CUBN: variants seen among roughly 807,000 people sequenced by gnomAD.
CUBN encodes cubilin.
In CUBN, 282 loss-of-function variants were observed where a neutral mutation model predicts 405.3. The ratio of observed to expected loss-of-function variants is 0.70; its 90% CI spans 0.63 to 0.77. CUBN has a LOEUF of 0.77. Among genes scored for constraint, CUBN ranks in the 30% least tolerant of loss-of-function variants. The pLI is 0.00. For synonymous variants in CUBN, 1,684 were observed against 1,617.0 expected, an observed-to-expected ratio of 1.04 and a Z score of -0.99; for missense variants, 4,514 against 4,475.2, an observed-to-expected ratio of 1.01 and a Z score of -0.25.
intron 27 of CUBN, among the ~76,000 whole-genome samples, chr10:17,028,708 G>A (rs1423523887): frequency 1.3e-5 from 2 of 149,878 alleles, no homozygotes; most frequent in African/African-American, 4.9e-5. Context: ...GCAACAGAGT[G>A]AGACTCTGTC....
At chr10:16,955,605 T>C (rs1374275829) in intron 31 of CUBN, among the ~76,000 whole-genome samples, 2 of 152,170 alleles carry the variant, frequency 1.3e-5, no homozygotes, top group Non-Finnish European at 2.9e-5. Flanking sequence ...AATACTCTTA[T>C]GTGTAAATCA....
At chr10:16,826,718 G>A (rs1179707726) in intron 66 of CUBN, among the ~76,000 whole-genome samples, 3 of 152,122 alleles carry the variant, frequency 2.0e-5, no homozygotes, top group African/African-American at 4.8e-5. Flanking sequence ...TGGATTAAAT[G>A]GCCGTCACTT....
intron 28 of CUBN, among the ~76,000 whole-genome samples, chr10:16,994,368 T>G (rs925894673): frequency 2.0e-5 from 3 of 152,226 alleles, no homozygotes; most frequent in Non-Finnish European, 4.4e-5. Flanking sequence ...CTCCTTCAGT[T>G]TACTAAGAGT....
intron 54 of CUBN, among the ~76,000 whole-genome samples, chr10:16,897,747 T>C (rs1175358312): frequency 2.0e-5 from 3 of 152,166 alleles, no homozygotes; most frequent in Non-Finnish European, 4.4e-5. Context: ...ACACAGCATT[T>C]CTTGGCAGAA....
In CUBN at chr10:16,983,467, C is replaced by T. The variant is rs1348505497; in HGVS notation, c.4525+638G>A. 2.0e-5 allele frequency among the ~76,000 whole-genome samples: 3 copies of T among 152,202 alleles called. No homozygotes were observed. The East Asian group carries it at 5.8e-4, about 29-fold the overall frequency. ...ACCTTTCTAAGCTTCAGTGTCCACA[C>T]TGGTAAGATGAGGATATGAAGCGGA... On this transcript the variant is annotated intron_variant, in intron 30 of 66. Coordinates refer to ENST00000377833, the MANE Select transcript of CUBN (RefSeq NM_001081.4).
chr10:16,867,336 G>A (rs1456151147), intron 59 of CUBN, among the ~76,000 whole-genome samples: 1 of 152,102 alleles, frequency 6.6e-6, no homozygotes, highest in Non-Finnish European at 1.5e-5. Context: ...ATAACTAAAC[G>A]ACCCTATAAA....
At chr10:16,995,800 T>G (rs1833716925) in intron 28 of CUBN, among the ~76,000 whole-genome samples, 1 of 152,224 alleles carries the variant, frequency 6.6e-6, no homozygotes, top group Non-Finnish European at 1.5e-5. Context: ...ATTTTTATGG[T>G]AGTTCAGTTC....
intron 35 of CUBN, 30 bp from the exon 36 acceptor site, chr10:16,947,397 C>T (rs1362558175): frequency 6.2e-7 from 1 of 1,613,252 alleles, no homozygotes. Context: ...AAGTGAGTAT[C>T]AGAGCAAAGA....
chr10:16,836,633 A>G (rs1451759479), intron 62 of CUBN, among the ~76,000 whole-genome samples: 3 of 152,232 alleles, frequency 2.0e-5, no homozygotes, highest in Non-Finnish European at 4.4e-5. Flanking sequence ...GCTGAAAATA[A>G]GATCCCTCGC....
chr10:16,907,576 A>C lies in CUBN; in HGVS notation c.7637T>G (p.Ile2546Ser). Reference sequence around the variant, plus strand: ...TGGCCTGGATCCATCCGTGAAAAAAATGACTTTCATTGTGTTTCCTGAAGA... The same window carrying C: ...TGGCCTGGATCCATCCGTGAAAAAACTGACTTTCATTGTGTTTCCTGAAGA... Reference protein sequence around the residue: ...IKSSGNTMKVIFFTDGSRPYG... With the variant: ...IKSSGNTMKVSFFTDGSRPYG... The change falls in exon 49 of 67, where the codon ATT becomes AGT. Residue 2546 changes from isoleucine to serine, a missense_variant. This residue lies in a region of CUBN where 1,613 missense variants were observed against 1,542.8 expected (regional missense o/e 1.05). Coordinates refer to ENST00000377833, the MANE Select transcript of CUBN (RefSeq NM_001081.4). The C allele has an allele frequency of 3.7e-6, 6 of 1,614,034 alleles. No individual in the cohort carries two copies. The highest frequency in any genetic ancestry group is 5.1e-6 in the Non-Finnish European group (6 of 1,180,016).
chr10:17,012,007 TA>T (rs1029395729), intron 28 of CUBN, among the ~76,000 whole-genome samples: 3 of 152,096 alleles, frequency 2.0e-5, no homozygotes, highest in Admixed American at 1.3e-4. Context: ...TCCCGCTGGA[TA>T]GGGGCAAAGA....
At chr10:17,097,783 T>C (rs1588640127) in intron 14 of CUBN, among the ~76,000 whole-genome samples, 1 of 152,186 alleles carries the variant, frequency 6.6e-6, no homozygotes, top group Admixed American at 6.5e-5. Context: ...ATCACCTGAA[T>C]AGAGTCAGAA....
chr10:16,884,923 G>A (rs812975), intron 56 of CUBN, among the ~76,000 whole-genome samples: 86,852 of 151,898 alleles, frequency 0.57, 27,104 homozygotes, highest in Middle Eastern at 0.74. Context: ...GCTCAGAAAT[G>A]CTTAGCCATT....
chr10:17,036,965 G>A (rs965135586), intron 27 of CUBN, among the ~76,000 whole-genome samples: 8 of 152,094 alleles, frequency 5.3e-5, no homozygotes, highest in African/African-American at 1.2e-4. Flanking sequence ...CTAGAAAGCC[G>A]GCCTTGACAC....
At chr10:17,080,578 G>A (rs886514786) in intron 17 of CUBN, among the ~76,000 whole-genome samples, 5 of 152,164 alleles carry the variant, frequency 3.3e-5, no homozygotes, top group Non-Finnish European at 5.9e-5. Flanking sequence ...CAGTGTCTCT[G>A]GGGAGAGGAG....
Position 17,104,486 on chromosome 10 carries a change from G to A in CUBN, c.1350C>T (p.Gly450=), listed in dbSNP as rs770827241. Residue 450 remains glycine, a synonymous_variant, in exon 12 of 67, where the codon GGC becomes GGT. Transcript: ENST00000377833. ...TGCATTCACAACTGAAAGAATCAACGCCATCAACACAAGTTCCTCCATTCA... is the reference window on the plus strand; with the variant it reads ...TGCATTCACAACTGAAAGAATCAACACCATCAACACAAGTTCCTCCATTCA... ...PCLNGGTCVD[G]VDSFSCECTR... 1.1e-5 allele frequency: 17 copies of A among 1,613,708 alleles called. No homozygotes were observed. The highest frequency in any genetic ancestry group is 3.3e-5 in the Admixed American group (2 of 59,948).
At chr10:16,891,242 C>T (rs1165949475) in intron 54 of CUBN, among the ~76,000 whole-genome samples, 1 of 152,098 alleles carries the variant, frequency 6.6e-6, no homozygotes, top group African/African-American at 2.4e-5. Flanking sequence ...CAAATCAAAC[C>T]AATTCTTATC....
chr10:16,891,374 G>C (rs923036008), intron 54 of CUBN, among the ~76,000 whole-genome samples: 1 of 152,134 alleles, frequency 6.6e-6, no homozygotes, highest in Non-Finnish European at 1.5e-5. Flanking sequence ...TTACCTAACT[G>C]GGGGAAGTGA....
At chr10:17,087,477 T>TTTTTC (rs1227983839) in intron 15 of CUBN, among the ~76,000 whole-genome samples, 68 of 96,846 alleles carry the variant, frequency 7.0e-4, no homozygotes, top group Non-Finnish European at 9.9e-4. Context: ...TTTTTCTTTT[T>TTTTTC]TTTTTTTTTT....
Sources: allele counts gnomAD v4.1 joint callset (sites outside exome capture counted in the v4.1 genomes callset), GRCh38; gene constraint gnomAD v4.1.1; regional missense constraint gnomAD v4.1.1; transcripts MANE v1.5; gene names NCBI Gene and HGNC (gene_info 2026-07-23, HGNC 2026-07-21).